VPS13B: variants seen among roughly 807,000 people sequenced by gnomAD.
The protein encoded by VPS13B is vacuolar protein sorting 13 homolog B.
Under a neutral mutation model 426.4 loss-of-function variants are expected in VPS13B, and 285 were observed. The observed-to-expected ratio is 0.67, with a 90% CI of 0.61 to 0.74. VPS13B has a LOEUF of 0.74. Ranked by LOEUF, VPS13B falls within the 30% of genes least tolerant of loss-of-function variation. VPS13B has a pLI of 0.00. For synonymous variants in VPS13B, 1,676 were observed against 1,676.4 expected (o/e 1.00, Z 0.01); for missense variants, 4,537 against 4,782.6 (o/e 0.95, Z 1.51).
chr8:99,444,029 A>G (rs1480374714), intron 23 of VPS13B, among the ~76,000 whole-genome samples: 3 of 148,526 alleles, frequency 2.0e-5, no homozygotes, highest in African/African-American at 7.5e-5. Context: ...ATTTTGTTCT[A>G]GCCATCCTAG....
At chr8:99,712,561 T>C (rs1832746560) in intron 36 of VPS13B, among the ~76,000 whole-genome samples, 1 of 152,188 alleles carries the variant, frequency 6.6e-6, no homozygotes, top group Admixed American at 6.5e-5. Context: ...CCTCTGTTTC[T>C]GAAGCACATT....
chr8:99,475,746 T>C (rs1163514351), intron 24 of VPS13B, among the ~76,000 whole-genome samples: 8 of 152,338 alleles, frequency 5.3e-5, no homozygotes, highest in Non-Finnish European at 1.5e-5. Flanking sequence ...GTTCCTTCCC[T>C]GTTGTCCTTT....
Position 99,075,006 on chromosome 8 carries a change from G to A in VPS13B, c.292-21306G>A, listed in dbSNP as rs1483417142. Among the ~76,000 whole-genome samples the A allele has an allele frequency of 2.6e-5, 4 of 152,062 alleles. No individual in the cohort carries two copies. In the East Asian group the frequency reaches 7.7e-4, roughly 29 times the overall value. ...TAGAGTAATCCTGGCCTTGTAGAAC[G>A]AGTTAGTAAGCTTCCCTTCTCATCA... On this transcript the variant is annotated intron_variant, in intron 3 of 61. Transcript: ENST00000357162.
At chr8:99,407,233 G>A (rs1413895897) in intron 21 of VPS13B, among the ~76,000 whole-genome samples, 1 of 152,046 alleles carries the variant, frequency 6.6e-6, no homozygotes, top group Non-Finnish European at 1.5e-5. Flanking sequence ...ACAGATTTAG[G>A]TTATTTCTGA....
Position 99,582,935 on chromosome 8 carries a change from G to A in VPS13B, c.5220+5302G>A, listed in dbSNP as rs545447601. 6.0e-4 allele frequency among the ~76,000 whole-genome samples: 91 copies of A among 152,310 alleles called. 1 individual carries two copies. The highest frequency in any genetic ancestry group is 3.4e-3 in the Middle Eastern group (1 of 294). ...CTCCCAAAGTTCTGGGATTACAGGCGTGAGCCACTGCGCCTGGCCACTCAT... is the reference window on the plus strand; with the variant it reads ...CTCCCAAAGTTCTGGGATTACAGGCATGAGCCACTGCGCCTGGCCACTCAT... On this transcript the variant is annotated intron_variant, in intron 33 of 61. Coordinates refer to ENST00000357162, the MANE Select transcript of VPS13B (RefSeq NM_152564.5).
chr8:99,566,016 A>T (rs1045332249), intron 31 of VPS13B, among the ~76,000 whole-genome samples: 1 of 152,168 alleles, frequency 6.6e-6, no homozygotes, highest in African/African-American at 2.4e-5. Flanking sequence ...TCCTGCCTAA[A>T]AAGTTCCTGG....
chr8:99,714,868 A>C (rs571702099), intron 36 of VPS13B, among the ~76,000 whole-genome samples: 1 of 152,204 alleles, frequency 6.6e-6, no homozygotes, highest in Non-Finnish European at 1.5e-5. Context: ...TAAATTCAGT[A>C]TGGATCCTAG....
chr8:99,284,472 A>G (rs1006431262), intron 19 of VPS13B, among the ~76,000 whole-genome samples: 2 of 152,210 alleles, frequency 1.3e-5, no homozygotes, highest in Non-Finnish European at 2.9e-5. Flanking sequence ...TAAATGAATG[A>G]TATAAAGGCT....
chr8:99,544,336 A>T (rs889964580), intron 30 of VPS13B, among the ~76,000 whole-genome samples: 27 of 152,078 alleles, frequency 1.8e-4, no homozygotes, highest in African/African-American at 6.5e-4. Flanking sequence ...AGGGGGAGGG[A>T]TAGCATTGGG....
At chr8:99,671,807 G>A (rs1830727774) in intron 35 of VPS13B, among the ~76,000 whole-genome samples, 1 of 151,982 alleles carries the variant, frequency 6.6e-6, no homozygotes, top group African/African-American at 2.4e-5. Context: ...TTTGTACATA[G>A]TGAGAGATAA....
chr8:99,225,278 T>C (rs1052703518), intron 17 of VPS13B, among the ~76,000 whole-genome samples: 1 of 152,002 alleles, frequency 6.6e-6, no homozygotes, highest in Non-Finnish European at 1.5e-5. Flanking sequence ...TTCTTTTCTT[T>C]TCTTTTTTTT....
chr8:99,545,398 T>G (rs1377277519), intron 30 of VPS13B, among the ~76,000 whole-genome samples: 2 of 152,180 alleles, frequency 1.3e-5, no homozygotes, highest in Non-Finnish European at 2.9e-5. Context: ...CATTATCTAC[T>G]GTAACTACTG....
chr8:99,578,364 A>G (rs1825872341), intron 33 of VPS13B, among the ~76,000 whole-genome samples: 1 of 152,144 alleles, frequency 6.6e-6, no homozygotes, highest in South Asian at 2.1e-4. Context: ...CTGTTTAGTA[A>G]GAAGGTAGGA....
At chr8:99,283,021 C>A (rs774863255) in intron 19 of VPS13B, among the ~76,000 whole-genome samples, 1 of 152,110 alleles carries the variant, frequency 6.6e-6, no homozygotes, top group Non-Finnish European at 1.5e-5. Context: ...TACCAGCAAA[C>A]AGACACACTC....
At chr8:99,023,062 C>T (rs1841975245) in intron 2 of VPS13B, among the ~76,000 whole-genome samples, 1 of 151,590 alleles carries the variant, frequency 6.6e-6, no homozygotes, top group Non-Finnish European at 1.5e-5. Context: ...GATCATTGCT[C>T]ACTGCAGCTT....
At position 99,875,993 on chromosome 8, in the gene VPS13B, CA is replaced by C. The variant is rs1449259622; in HGVS notation, c.*329del. The C allele has an allele frequency of 5.5e-6, 2 of 362,634 alleles. No homozygotes were observed. The highest frequency in any genetic ancestry group is 1.0e-5 in the Non-Finnish European group (2 of 192,908). 22.5% of individuals were successfully genotyped at this position (362,634 alleles called of 1,614,324 possible). A position where few individuals can be genotyped will look rare whatever the true frequency, so the allele number is the denominator to read the frequency against. The stretch of plus-strand genomic sequence containing the variant: ...AACGTGTTCCTTCCCCACTTAGAGA[CA>C]ATGATTAACAGGGCCCTATATGTTC... On this transcript the variant is annotated 3_prime_UTR_variant, in exon 62 of 62. Coordinates refer to ENST00000357162, the MANE Select transcript of VPS13B (RefSeq NM_152564.5).
At chr8:99,811,334 C>T (rs185179564) in intron 44 of VPS13B, among the ~76,000 whole-genome samples, 3 of 152,312 alleles carry the variant, frequency 2.0e-5, no homozygotes, top group Admixed American at 2.0e-4. Context: ...GTCACCTCTC[C>T]TCTACATTAT....
chr8:99,817,831 G>A lies in VPS13B; in HGVS notation c.8361+28G>A, dbSNP rs747038909. The A allele has an allele frequency of 2.5e-6, 4 of 1,613,928 alleles. No homozygotes were observed. The South Asian group carries it at 3.3e-5, about 13-fold the overall frequency. On this transcript the variant is annotated intron_variant, in intron 45 of 61. Transcript: ENST00000357162. The stretch of plus-strand genomic sequence containing the variant: ...TTGAAAAGACGTTCAATCTAGAATA[G>A]AGCAGCTTTACCATTGAAATTTTCT...
chr8:99,058,272 TAA>T (rs752789247), intron 3 of VPS13B, among the ~76,000 whole-genome samples: 1 of 150,784 alleles, frequency 6.6e-6, no homozygotes, highest in East Asian at 1.9e-4. Flanking sequence ...AAGTCAGATT[TAA>T]AAAAAAATAT....
Sources: allele counts gnomAD v4.1 joint callset (sites outside exome capture counted in the v4.1 genomes callset), GRCh38; gene constraint gnomAD v4.1.1; transcripts MANE v1.5; gene names NCBI Gene and HGNC (gene_info 2026-07-23, HGNC 2026-07-21).